THSD7B: variants seen among roughly 807,000 people sequenced by gnomAD.
THSD7B encodes thrombospondin type 1 domain containing 7B, also known as thrombospondin type-1 domain-containing protein 7B.
A neutral mutation model predicts 213.6 loss-of-function variants in THSD7B; 138 were observed. The ratio of observed to expected loss-of-function variants is 0.65; its 90% CI spans 0.56 to 0.74. The LOEUF (loss-of-function observed/expected upper bound fraction) is 0.74. THSD7B is among the 30% of genes least tolerant of loss of function. The probability of loss-of-function intolerance (pLI) is 0.00; values close to 1 mark genes in which losing one functional copy is unlikely to be tolerated. For missense variants in THSD7B, 1,931 were observed against 1,991.5 expected (o/e 0.97, Z 0.58); for synonymous variants, 742 against 687.0 (o/e 1.08, Z -1.25).
chr2:137,051,304 CAG>C (rs1326427794), intron 2 of THSD7B, among the ~76,000 whole-genome samples: 2 of 152,154 alleles, frequency 1.3e-5, no homozygotes, highest in East Asian at 1.9e-4. Context: ...CGTCAAGTAA[CAG>C]AGAATGAATA....
rs1212742785 is a variant in THSD7B at position 137,274,417 on chromosome 2, CAT to C, written c.2397-1505_2397-1504del. Among the ~76,000 whole-genome samples the C allele has an allele frequency of 2.6e-5, 4 of 152,046 alleles. 1 individual carries two copies. The highest frequency in any genetic ancestry group is 4.4e-5 in the Non-Finnish European group (3 of 67,984). ...AAGTGAATTTGAACTTCTCTCAACA[CAT>C]TAAGTAGCTAAGACAGCATGGGCGC... On this transcript the variant is annotated intron_variant, in intron 11 of 27. Transcript: ENST00000409968.
intron 12 of THSD7B, among the ~76,000 whole-genome samples, chr2:137,375,874 G>A (rs1262938759): frequency 6.6e-6 from 1 of 152,090 alleles, no homozygotes; most frequent in Non-Finnish European, 1.5e-5. Flanking sequence ...CATAACAGAC[G>A]ATATATTAAA....
At chr2:137,538,191 A>C (rs1354957343) in intron 15 of THSD7B, among the ~76,000 whole-genome samples, 1 of 151,706 alleles carries the variant, frequency 6.6e-6, no homozygotes. Context: ...TGATCTTAGG[A>C]ATCAGCTCTC....
chr2:137,254,189 A>G (rs1443908440), intron 10 of THSD7B, among the ~76,000 whole-genome samples: 1 of 152,220 alleles, frequency 6.6e-6, no homozygotes, highest in Admixed American at 6.5e-5. Context: ...TTCAGATAGA[A>G]TATTTCTGGA....
At chr2:137,523,446 T>C (rs755016757) in intron 15 of THSD7B, among the ~76,000 whole-genome samples, 4 of 152,200 alleles carry the variant, frequency 2.6e-5, no homozygotes, top group Non-Finnish European at 5.9e-5. Context: ...ACTTTGTGTA[T>C]TCATACAGAA....
intron 2 of THSD7B, among the ~76,000 whole-genome samples, chr2:136,958,217 G>A (rs1685157751): frequency 6.6e-6 from 1 of 152,108 alleles, no homozygotes; most frequent in Non-Finnish European, 1.5e-5. Flanking sequence ...AAAAGCAAAA[G>A]TGACGCTAAA....
At chr2:137,486,177 T>C (rs1688438817) in intron 15 of THSD7B, among the ~76,000 whole-genome samples, 2 of 152,000 alleles carry the variant, frequency 1.3e-5, no homozygotes. Flanking sequence ...GACTAAATGC[T>C]CCAATTAAAA....
intron 6 of THSD7B, among the ~76,000 whole-genome samples, chr2:137,165,565 T>TG (rs1471079851): frequency 1.3e-5 from 2 of 151,938 alleles, no homozygotes; most frequent in Non-Finnish European, 2.9e-5. Flanking sequence ...GATCACTGAG[T>TG]GGTACAAACT....
At chr2:137,463,107 A>G (rs1237601032) in intron 15 of THSD7B, among the ~76,000 whole-genome samples, 2 of 152,082 alleles carry the variant, frequency 1.3e-5, no homozygotes, top group Non-Finnish European at 2.9e-5. Flanking sequence ...TTTTTCTTGG[A>G]ACTGTTCATC....
intron 11 of THSD7B, among the ~76,000 whole-genome samples, chr2:137,275,098 G>T (rs762724395): frequency 2.6e-5 from 4 of 152,064 alleles, no homozygotes; most frequent in Non-Finnish European, 5.9e-5. Context: ...TGAAGAGACA[G>T]ATTTAAGGAC....
intron 3 of THSD7B, among the ~76,000 whole-genome samples, chr2:137,064,827 T>C (rs13004617): frequency 0.096 from 14,548 of 151,992 alleles, 944 homozygotes; most frequent in African/African-American, 0.18. Context: ...GATGTATGGG[T>C]TTATTTCTGG....
chr2:137,145,282 A>G (rs893799832), intron 5 of THSD7B, among the ~76,000 whole-genome samples: 10 of 152,130 alleles, frequency 6.6e-5, no homozygotes, highest in Non-Finnish European at 7.4e-5. Flanking sequence ...ACAGTTAGTT[A>G]TGGCCTGGTG....
At chr2:137,228,502 A>G (rs1231447537) in intron 7 of THSD7B, among the ~76,000 whole-genome samples, 1 of 152,200 alleles carries the variant, frequency 6.6e-6, no homozygotes, top group East Asian at 1.9e-4. Context: ...CTTATGTTTC[A>G]GTCTAGATCA....
In THSD7B at chr2:137,394,402, T is replaced by C. The variant is rs1290036511; in HGVS notation, c.2501-11211T>C. Among the ~76,000 whole-genome samples, 402 of 137,578 alleles carry C rather than the reference T, an allele frequency of 2.9e-3. 51 individuals carry two copies. Among genetic ancestry groups the C allele is most frequent in the Middle Eastern group, 0.011 (3 of 270 alleles). 90.3% of individuals were successfully genotyped at this position (137,578 alleles called of 152,430 possible). A position where few individuals can be genotyped will look rare whatever the true frequency, so the allele number is the denominator to read the frequency against. Reference sequence around the variant, plus strand: ...TATGGCTAGCCAGTTATCCCAGCACTGTTTATTAAATAGGGAATCCTTTCC... The same window carrying C: ...TATGGCTAGCCAGTTATCCCAGCACCGTTTATTAAATAGGGAATCCTTTCC... On this transcript the variant is annotated intron_variant, in intron 12 of 27. Transcript: ENST00000409968.
intron 1 of THSD7B, among the ~76,000 whole-genome samples, chr2:136,864,670 AG>A (rs1018815708): frequency 6.6e-6 from 1 of 151,762 alleles, no homozygotes; most frequent in African/African-American, 2.4e-5. Flanking sequence ...CTCCTGCTTC[AG>A]CCCCCCGAGT....
chr2:137,660,652 T>C (rs886333812), intron 25 of THSD7B, among the ~76,000 whole-genome samples: 4 of 152,168 alleles, frequency 2.6e-5, no homozygotes, highest in African/African-American at 9.7e-5. Context: ...GAAAATACTT[T>C]TTTCCTTGAA....
rs188927592 is a variant in THSD7B, at chr2:137,340,714, A to G, written c.2500+64688A>G. On this transcript the variant is annotated intron_variant, in intron 12 of 27. Coordinates refer to ENST00000409968, the MANE Select transcript of THSD7B (RefSeq NM_001316349.2). The stretch of plus-strand genomic sequence containing the variant: ...CTGTGCCTCACTTATTTCACTTAGC[A>G]TGATGCTCTCCAGTTCCATTCATAT... Among the ~76,000 whole-genome samples, 183 of 151,900 alleles carry G rather than the reference A, an allele frequency of 1.2e-3. 1 individual carries two copies. The highest frequency in any genetic ancestry group is 4.1e-3 in the African/African-American group (171 of 41,506).
Position 137,563,238 on chromosome 2 carries a change from A to G in THSD7B, c.3156A>G (p.Pro1052=). 5 of 1,613,380 alleles carry G rather than the reference A, an allele frequency of 3.1e-6. No individual in the cohort carries two copies. The highest frequency in any genetic ancestry group is 4.2e-6 in the Non-Finnish European group (5 of 1,179,526). Residue 1052 remains proline, a synonymous_variant, in exon 16 of 28, where the codon CCA becomes CCG. Coordinates refer to ENST00000409968, the MANE Select transcript of THSD7B (RefSeq NM_001316349.2). ...DLKNQVHEAV[P]CYSECNQYSW... ...CTTGACAGGTACATGAGGCAGTCCC[A>G]TGTTACAGTGAGTGCAATCAGTATT...
chr2:137,282,597 G>A (rs1392837550), intron 12 of THSD7B, among the ~76,000 whole-genome samples: 3 of 152,072 alleles, frequency 2.0e-5, no homozygotes, highest in Non-Finnish European at 2.9e-5. Flanking sequence ...TGTAAGGAAG[G>A]GATCCAGTTT....
Sources: gnomAD v4.1 joint callset for allele counts (sites outside exome capture counted in the v4.1 genomes callset) on GRCh38, gnomAD v4.1.1 for gene constraint, MANE v1.5 for transcripts, NCBI Gene and HGNC (gene_info 2026-07-23, HGNC 2026-07-21) for gene names.